Variants in NDEL1 observed in about 807,000 individuals in gnomAD.
The protein encoded by NDEL1 is nudE neurodevelopment protein 1 like 1.
A neutral mutation model predicts 45.7 loss-of-function variants in NDEL1; 9 were observed. That is an observed-to-expected ratio of 0.20 (90% confidence interval 0.12 to 0.34). The LOEUF is 0.34. Ranked by LOEUF, NDEL1 falls within the 10% of genes least tolerant of loss-of-function variation. The pLI is 1.00. For synonymous variants in NDEL1, 133 were observed against 158.6 expected (o/e 0.84, Z 1.21); for missense variants, 306 against 406.2 (o/e 0.75, Z 2.12).
chr17:8,457,334 T>G (rs558432742), intron 7 of NDEL1, among the ~76,000 whole-genome samples: 1 of 152,354 alleles, frequency 6.6e-6, no homozygotes, highest in South Asian at 2.1e-4. Flanking sequence ...CACCCCACGT[T>G]GTTGTCTGTC....
At chr17:8,471,208 T>C (rs1484314665), downstream of NDEL1, among the ~76,000 whole-genome samples, 3 of 152,256 alleles carry the variant, frequency 2.0e-5, no homozygotes, top group Non-Finnish European at 2.9e-5. Flanking sequence ...TGGAGTGCAA[T>C]GGCGTGATCT....
chr17:8,453,335 C>G (rs1910638554), intron 6 of NDEL1, among the ~76,000 whole-genome samples: 1 of 152,178 alleles, frequency 6.6e-6, no homozygotes, highest in African/African-American at 2.4e-5. Context: ...CTGATTAGCA[C>G]TCTGTGGAAA....
chr17:8,439,885 G>A (rs887485031), intron 1 of NDEL1, among the ~76,000 whole-genome samples: 23 of 152,120 alleles, frequency 1.5e-4, no homozygotes, highest in Admixed American at 1.5e-3. Context: ...TACAGGTGAG[G>A]AAATGGGGCA....
downstream of NDEL1, among the ~76,000 whole-genome samples, chr17:8,472,558 G>A (rs1455717153): frequency 2.0e-5 from 3 of 152,104 alleles, no homozygotes; most frequent in Non-Finnish European, 2.9e-5. Context: ...CCAGCTACTC[G>A]GGGGGCTGAA....
rs574181699 is a variant in NDEL1 at position 8,467,110 on chromosome 17, C to G, written c.*87C>G. On this transcript the variant is annotated 3_prime_UTR_variant, in exon 9 of 9. Transcript: ENST00000334527. The surrounding 1 kb of genome is among the most constrained non-coding windows in gnomAD (Gnocchi z 6.3). ...ACCCCTCGGTGCCTGGGCCCAGCCC[C>G]GTGCCCCTCCGTCTGCCTCCGCACG... is the stretch of plus-strand genomic sequence containing the variant. 2 of 1,335,232 alleles carry G rather than the reference C, an allele frequency of 1.5e-6. No individual in the cohort carries two copies. The highest frequency in any genetic ancestry group is 1.4e-5 in the African/African-American group (1 of 69,288). 82.7% of individuals were successfully genotyped at this position (1,335,232 alleles called of 1,614,324 possible).
chr17:8,429,109 C>G (rs1041338273), intron 1 of NDEL1, among the ~76,000 whole-genome samples: 7 of 152,148 alleles, frequency 4.6e-5, no homozygotes, highest in African/African-American at 1.7e-4. Context: ...TGCCTATGAC[C>G]CAAATCTTAG....
chr17:8,445,843 A>T lies in NDEL1; in HGVS notation c.219A>T (p.Lys73Asn). 1 of 1,552,516 alleles carries T rather than the reference A, an allele frequency of 6.4e-7. No individual in the cohort carries two copies. The highest frequency in any genetic ancestry group is 8.7e-7 in the Non-Finnish European group (1 of 1,154,992). ...TGCAGGCTGATAACCAAAGACTGAA[A>T]TATGAAGTGGAGGCATTAAAGGTAA... ...RDLQADNQRLKYEVEALKEKL... is the reference protein window; with the variant it reads ...RDLQADNQRLNYEVEALKEKL... Residue 73 changes from lysine (K) to asparagine (N), a missense_variant, in exon 3 of 9, where the codon AAA (lysine) becomes AAT (asparagine). Coordinates refer to ENST00000334527, the MANE Select transcript of NDEL1 (RefSeq NM_030808.5).
intron 1 of NDEL1, among the ~76,000 whole-genome samples, chr17:8,429,380 G>C (rs1171668112): frequency 6.6e-6 from 1 of 152,174 alleles, no homozygotes; most frequent in African/African-American, 2.4e-5. Context: ...GGTTTCTTGG[G>C]GGAGATTGGA....
chr17:8,448,507 C>G lies in NDEL1; in HGVS notation c.390-43C>G, dbSNP rs774028139. 6 of 1,585,376 alleles carry G rather than the reference C, an allele frequency of 3.8e-6. No individual in the cohort carries two copies. In the Admixed American group the frequency reaches 1.0e-4, roughly 28 times the overall value. Reference sequence around the variant, plus strand: ...TTTCCTTTTGTACTATCTGTTTGCACATGTTATTTATTTAATTCATGTACT... The same window carrying G: ...TTTCCTTTTGTACTATCTGTTTGCAGATGTTATTTATTTAATTCATGTACT... On this transcript the variant is annotated intron_variant, in intron 4 of 8. Transcript: ENST00000334527.
At chr17:8,448,189 A>G (rs1910219643) in intron 4 of NDEL1, among the ~76,000 whole-genome samples, 1 of 152,220 alleles carries the variant, frequency 6.6e-6, no homozygotes, top group African/African-American at 2.4e-5. Context: ...TTGGGACTTA[A>G]TGTTTTAAAC....
chr17:8,471,425 A>G (rs939999630), downstream of NDEL1, among the ~76,000 whole-genome samples: 24 of 152,260 alleles, frequency 1.6e-4, no homozygotes, highest in African/African-American at 5.8e-4. Flanking sequence ...ATTGTGAGAT[A>G]CAGGAGATGT....
chr17:8,454,854 A>G lies in NDEL1; in HGVS notation c.759A>G (p.Leu253=). ...PLTPSARISA[L]NIVGDLLRKV... ...CTCCCTCTGCTAGGATATCAGCACT[A>G]AACATCGTGGGGGATCTCTTACGGA... The change falls in exon 7 of 9, where the codon CTA becomes CTG. Residue 253 remains leucine, a synonymous_variant. Transcript: ENST00000334527. 1.2e-6 allele frequency: 2 copies of G among 1,613,934 alleles called. No homozygotes were observed. The highest frequency in any genetic ancestry group is 1.7e-6 in the Non-Finnish European group (2 of 1,179,908).
chr17:8,456,488 A>G (rs1597550648), intron 7 of NDEL1, among the ~76,000 whole-genome samples: 1 of 124,936 alleles, frequency 8.0e-6, no homozygotes, highest in African/African-American at 2.9e-5. Flanking sequence ...GTATTAGGTT[A>G]TATCTTTTTT....
In NDEL1 at chr17:8,447,669, A is replaced by G. The variant is rs1013699388; in HGVS notation, c.389+767A>G. Among the ~76,000 whole-genome samples, 5 of 152,192 alleles carry G rather than the reference A, an allele frequency of 3.3e-5. No homozygotes were observed. The East Asian group carries it at 9.6e-4, about 29-fold the overall frequency. On this transcript the variant is annotated intron_variant, in intron 4 of 8. Coordinates refer to ENST00000334527, the MANE Select transcript of NDEL1 (RefSeq NM_030808.5). ...TTGATTTCAGTTCAAATTTCTGAACAACGTGCAGTGGCTTGCTATCACTGT... is the reference window on the plus strand; with the variant it reads ...TTGATTTCAGTTCAAATTTCTGAACGACGTGCAGTGGCTTGCTATCACTGT...
intron 1 of NDEL1, chr17:8,443,897 A>G (rs1909917704): frequency 1.2e-5 from 2 of 164,846 alleles, no homozygotes; most frequent in African/African-American, 2.4e-5. Flanking sequence ...ATCTCTGACA[A>G]TAAGCTTGTT....
intron 7 of NDEL1, among the ~76,000 whole-genome samples, chr17:8,458,951 C>T (rs555676835): frequency 1.4e-3 from 213 of 152,162 alleles, no homozygotes; most frequent in Non-Finnish European, 1.9e-3. Context: ...AGGCTGGTCT[C>T]GAACTCATGG....
intron 1 of NDEL1, among the ~76,000 whole-genome samples, chr17:8,416,368 G>A (rs1038258200): frequency 2.0e-5 from 3 of 152,178 alleles, no homozygotes; most frequent in Non-Finnish European, 4.4e-5. Flanking sequence ...ATGACAGGAG[G>A]TAATTTTGAT....
rs542664006 is a variant in NDEL1, at chr17:8,419,077, T to G, written c.-13+5808T>G. Among the ~76,000 whole-genome samples the G allele has an allele frequency of 5.9e-5, 9 of 152,238 alleles. No individual in the cohort carries two copies. In the South Asian group the frequency reaches 1.9e-3, roughly 32 times the overall value. On this transcript the variant is annotated intron_variant, in intron 1 of 4. Transcript: ENST00000582812. The stretch of plus-strand genomic sequence containing the variant: ...GTTGCCCTGGATGATTTTGAACTCC[T>G]GGCCTCAAACAATCCTCCTGCCTGG...
At chr17:8,439,478 T>C (rs777458918) in intron 1 of NDEL1, among the ~76,000 whole-genome samples, 12 of 150,980 alleles carry the variant, frequency 7.9e-5, no homozygotes, top group Non-Finnish European at 1.8e-4. Context: ...GGTCTTGAAC[T>C]CCTAACCTCA....
Sources: allele counts gnomAD v4.1 joint callset (sites outside exome capture counted in the v4.1 genomes callset), GRCh38; gene constraint gnomAD v4.1.1; non-coding constraint Gnocchi (gnomAD v3.1); transcripts MANE v1.5; gene names NCBI Gene and HGNC (gene_info 2026-07-23, HGNC 2026-07-21).